SI: variants seen among roughly 807,000 people sequenced by gnomAD.
SI encodes sucrase-isomaltase, intestinal.
In SI, 235 loss-of-function variants were observed where a neutral mutation model predicts 253.3. The observed-to-expected ratio is 0.93, with a 90% CI of 0.83 to 1.03. SI has a LOEUF of 1.03. Among genes scored for constraint, SI ranks in the 50% least tolerant of loss-of-function variants. The pLI is 0.00. For synonymous variants in SI, 819 were observed against 712.0 expected, an observed-to-expected ratio of 1.15 and a Z score of -2.39; for missense variants, 2,442 against 2,211.1, an observed-to-expected ratio of 1.10 and a Z score of -2.09.
intron 3 of SI, among the ~76,000 whole-genome samples, chr3:165,070,173 G>T (rs1384358989): frequency 3.2e-5 from 3 of 94,882 alleles, no homozygotes; most frequent in African/African-American, 3.6e-5. Flanking sequence ...AATATATTTT[G>T]ATATATTTAT....
chr3:165,070,251 T>C (rs1255376684), intron 3 of SI, among the ~76,000 whole-genome samples: 2 of 143,644 alleles, frequency 1.4e-5, no homozygotes, highest in African/African-American at 5.3e-5. Context: ...TAGTTTTATT[T>C]TTATGTATAA....
chr3:165,073,358 C>G (rs1714723369), intron 3 of SI, among the ~76,000 whole-genome samples: 1 of 152,028 alleles, frequency 6.6e-6, no homozygotes, highest in Non-Finnish European at 1.5e-5. Flanking sequence ...TATCTGGCCA[C>G]TTTCCTCAGT....
At chr3:165,062,507 T>C (rs1163188033) in intron 8 of SI, 24 bp from the exon 9 acceptor site, 3 of 1,144,580 alleles carry the variant, frequency 2.6e-6, no homozygotes, top group African/African-American at 3.0e-5. Flanking sequence ...TTGGTAAACT[T>C]ATATGTAAAT....
chr3:165,070,998 C>T (rs1340307704), intron 3 of SI, among the ~76,000 whole-genome samples: 2 of 151,978 alleles, frequency 1.3e-5, no homozygotes, highest in African/African-American at 2.4e-5. Context: ...TTTTTGCTTC[C>T]ATTTCACAGG....
intron 37 of SI, among the ~76,000 whole-genome samples, chr3:165,006,043 T>C (rs187392210): frequency 2.6e-5 from 4 of 152,246 alleles, no homozygotes; most frequent in African/African-American, 7.2e-5. Context: ...ATTACTATGA[T>C]CATTAATATT....
chr3:165,086,601 G>T, the SI span, among the ~76,000 whole-genome samples: 1 of 152,116 alleles, frequency 6.6e-6, no homozygotes, highest in Non-Finnish European at 1.5e-5. Context: ...AGGTCATAAG[G>T]CTACCACATT....
chr3:165,071,367 T>C (rs1714564061), intron 3 of SI, among the ~76,000 whole-genome samples: 1 of 151,802 alleles, frequency 6.6e-6, no homozygotes, highest in South Asian at 2.1e-4. Flanking sequence ...TATTTTTAAT[T>C]TCTCATCTAA....
intron 1 of SI, among the ~76,000 whole-genome samples, chr3:165,077,396 C>A (rs184063004): frequency 6.6e-6 from 1 of 151,588 alleles, no homozygotes; most frequent in African/African-American, 2.4e-5. Context: ...TCAATTAGAT[C>A]GTTACATTCT....
intron 38 of SI, 126 bp from the exon 39 acceptor site, chr3:164,996,898 A>G (rs1718038065): frequency 3.9e-6 from 2 of 513,660 alleles, no homozygotes; most frequent in African/African-American, 3.9e-5. Context: ...CATTTTTCAG[A>G]TTATTAATAT....
chr3:164,980,373 T>C (rs1253781644), intron 47 of SI, among the ~76,000 whole-genome samples: 1 of 151,974 alleles, frequency 6.6e-6, no homozygotes, highest in East Asian at 1.9e-4. Flanking sequence ...CACATAGCTT[T>C]TAATACTTTT....
At chr3:165,006,749 T>C (rs998640124) in intron 37 of SI, 67 bp downstream of exon 37, 91 of 1,397,700 alleles carry the variant, frequency 6.5e-5, no homozygotes, top group Non-Finnish European at 1.2e-5. Flanking sequence ...ACTGTTAAAA[T>C]GATAACATTA....
chr3:165,047,791 AT>A (rs1302265022), intron 15 of SI, among the ~76,000 whole-genome samples: 1 of 151,574 alleles, frequency 6.6e-6, no homozygotes, highest in East Asian at 1.9e-4. Context: ...TTATTTCGAC[AT>A]TTTCAAATAT....
Position 165,006,875 on chromosome 3 carries a change from T to C in SI, c.4347A>G (p.Ser1449=). The C allele has an allele frequency of 6.2e-7, 1 of 1,610,530 alleles. No individual in the cohort carries two copies. The highest frequency in any genetic ancestry group is 1.1e-5 in the South Asian group (1 of 91,032). The change falls in exon 37 of 48, where the codon TCA becomes TCG. Residue 1449 remains serine (S), a synonymous_variant. Transcript: ENST00000264382. ...GATTGTGAACATCGTAATGCAAAAC[T>C]GATGTTCCATCACTAAGAATCTGCT... ...EAEQILSDGT[S]VLHYDVHNLY... is the part of the protein sequence containing the mutation.
intron 26 of SI, 101 bp from the exon 27 acceptor site, chr3:165,021,484 A>G (rs1559993173): frequency 1.1e-6 from 1 of 917,910 alleles, no homozygotes; most frequent in African/African-American, 1.7e-5. Flanking sequence ...AATATTTAGA[A>G]TTTTTCTCCA....
intron 12 of SI, among the ~76,000 whole-genome samples, chr3:165,058,558 C>A (rs1330525715): frequency 6.6e-6 from 1 of 151,384 alleles, no homozygotes; most frequent in Non-Finnish European, 1.5e-5. Context: ...AAGCAAGGCC[C>A]AAATAAACAA....
chr3:165,054,600 T>C lies in SI; in HGVS notation c.1512+594A>G, dbSNP rs28538290. Among the ~76,000 whole-genome samples, 669 of 152,132 alleles carry C rather than the reference T, an allele frequency of 4.4e-3. 3 individuals are homozygous for C. The highest frequency in any genetic ancestry group is 0.015 in the African/African-American group (639 of 41,530). ...GAACTCCTGACCTCAAATGATTGGC[T>C]CACCTCAGCCTCCCAAAGTGCTGGG... On this transcript the variant is annotated intron_variant, in intron 13 of 47. Coordinates refer to ENST00000264382, the MANE Select transcript of SI (RefSeq NM_001041.4).
upstream of SI, among the ~76,000 whole-genome samples, chr3:165,079,527 T>C (rs1430510978): frequency 1.2e-4 from 18 of 151,848 alleles, no homozygotes; most frequent in Admixed American, 1.1e-3. Flanking sequence ...GAAATTTCAG[T>C]ATATAAAATC....
chr3:165,014,330 G>A (rs554751528), intron 33 of SI, among the ~76,000 whole-genome samples: 17 of 151,950 alleles, frequency 1.1e-4, no homozygotes, highest in African/African-American at 4.1e-4. Flanking sequence ...CTCACTGCAA[G>A]CTCCGCCTCC....
At chr3:165,030,488 C>T (rs1272849890) in intron 25 of SI, among the ~76,000 whole-genome samples, 1 of 150,856 alleles carries the variant, frequency 6.6e-6, no homozygotes, top group African/African-American at 2.4e-5. Context: ...TCCTGGAAAG[C>T]AATTTACACA....
Sources: allele counts gnomAD v4.1 joint callset (sites outside exome capture counted in the v4.1 genomes callset), GRCh38; gene constraint gnomAD v4.1.1; transcripts MANE v1.5; gene names NCBI Gene and HGNC (gene_info 2026-07-23, HGNC 2026-07-21).